C3orf52: variants seen among roughly 807,000 people sequenced by gnomAD.
C3orf52 encodes TPA-induced transmembrane protein.
In C3orf52, 22 loss-of-function variants were observed where a neutral mutation model predicts 24.8. That is an observed-to-expected ratio of 0.89 (90% CI 0.63 to 1.27). C3orf52 has a LOEUF of 1.27. C3orf52 is among the 50% of genes most tolerant of loss of function. The pLI, the probability that C3orf52 is intolerant of heterozygous loss-of-function variation, is 0.00. For synonymous variants in C3orf52, 93 were observed against 100.2 expected (o/e 0.93, Z 0.43); for missense variants, 265 against 260.7 (o/e 1.02, Z -0.11).
chr3:112,087,291 T>C (rs561157209), intron 1 of C3orf52, among the ~76,000 whole-genome samples: 45 of 152,310 alleles, frequency 3.0e-4, no homozygotes, highest in African/African-American at 1.0e-3. Flanking sequence ...TCTCAATCCC[T>C]AAGGAAGTCC....
downstream of C3orf52, chr3:112,130,091 T>C (rs189358287): frequency 4.2e-6 from 1 of 236,826 alleles, no homozygotes; most frequent in Admixed American, 4.9e-5. Context: ...AATAGACACC[T>C]ATAGCTTAAA....
downstream of C3orf52, among the ~76,000 whole-genome samples, chr3:112,132,164 G>T (rs1030169583): frequency 6.6e-6 from 1 of 152,164 alleles, no homozygotes; most frequent in Non-Finnish European, 1.5e-5. Context: ...ACCCAGGGTA[G>T]AGAAGTCTCA....
chr3:112,127,452 G>A (rs1388356433), intron 4 of C3orf52, among the ~76,000 whole-genome samples: 3 of 152,064 alleles, frequency 2.0e-5, no homozygotes, highest in Admixed American at 6.5e-5. Context: ...CTTCGCATAA[G>A]GGAACACTGT....
chr3:112,112,758 A>C, intron 4 of C3orf52: 1 of 613,622 alleles, frequency 1.6e-6, no homozygotes. Context: ...TGGAAGGAGG[A>C]GGTTAGGATC....
chr3:112,104,032 A>G (rs2074002591), intron 3 of C3orf52, among the ~76,000 whole-genome samples: 1 of 152,188 alleles, frequency 6.6e-6, no homozygotes, highest in Admixed American at 6.5e-5. Flanking sequence ...TCCAGGTGAG[A>G]AATGAGGGAG....
In C3orf52 at chr3:112,117,192, C is replaced by CTA; in HGVS notation, c.*546_*547insTA. Reference sequence around the variant, plus strand: ...AATTATTCACTGAAGTCATCCTCCTCCCCCCCACCATTCGATTTGATCTAC... The same window carrying CTA: ...AATTATTCACTGAAGTCATCCTCCTCTACCCCCCACCATTCGATTTGATCTAC... On this transcript the variant is annotated 3_prime_UTR_variant, in exon 6 of 6. Coordinates refer to ENST00000264848, the MANE Select transcript of C3orf52 (RefSeq NM_024616.3). 1 of 548,324 alleles carries CTA rather than the reference C, an allele frequency of 1.8e-6. No individual in the cohort carries two copies. Among genetic ancestry groups the CTA allele is most frequent in the Non-Finnish European group, 3.2e-6 (1 of 310,028 alleles). 34.0% of individuals were successfully genotyped at this position (548,324 alleles called of 1,614,324 possible).
At chr3:112,127,098 C>T in intron 4 of C3orf52, 1 of 1,034,476 alleles carries the variant, frequency 9.7e-7, no homozygotes, top group Admixed American at 2.1e-5. Flanking sequence ...ATGACACAAG[C>T]CTACAAAACT....
At chr3:112,129,236 G>A (rs1041433545), downstream of C3orf52, 9 of 152,212 alleles carry the variant, frequency 5.9e-5, no homozygotes, top group Non-Finnish European at 1.2e-4. Context: ...GAGGAGAAAT[G>A]AATGAGATAA....
intron 4 of C3orf52, chr3:112,123,775 GC>G (rs1559982184): frequency 6.2e-7 from 1 of 1,603,636 alleles, no homozygotes; most frequent in Admixed American, 1.7e-5. Flanking sequence ...ACATTGTCCT[GC>G]TTGTCAAAGA....
chr3:112,111,704 CTG>C (rs1397293618), intron 4 of C3orf52: 12 of 152,358 alleles, frequency 7.9e-5, no homozygotes, highest in African/African-American at 2.6e-4. Flanking sequence ...GGGTGGCTGG[CTG>C]TGTAGGTGTT....
At chr3:112,097,221 A>G (rs747034682) in intron 2 of C3orf52, among the ~76,000 whole-genome samples, 7 of 152,194 alleles carry the variant, frequency 4.6e-5, no homozygotes, top group African/African-American at 7.2e-5. Context: ...CCTTTCTTCA[A>G]TAATTCACCC....
chr3:112,133,979 CT>C (rs1559990566), downstream of C3orf52: 2 of 152,348 alleles, frequency 1.3e-5, no homozygotes, highest in African/African-American at 2.4e-5. Context: ...TCCAGCCCCC[CT>C]ATCCCGTGCC....
intron 4 of C3orf52, chr3:112,123,335 G>A: frequency 2.0e-6 from 3 of 1,501,364 alleles, no homozygotes; most frequent in South Asian, 1.4e-5. Flanking sequence ...TGCTCTGCAG[G>A]GAAAGGGTTG....
chr3:112,109,595 T>C lies in C3orf52; in HGVS notation c.449T>C (p.Val150Ala). ...TCTCTGGGTCGTTATTTTACTTCAG[T>C]TGAAATAGTGGACTTCAGGTAAGAG... ...SPSLGRYFTSVEIVDFSGENA... is the reference protein window; with the variant it reads ...SPSLGRYFTSAEIVDFSGENA... The change falls in exon 4 of 6, where the codon GTT (valine) becomes GCT (alanine). Residue 150 changes from valine to alanine, a missense_variant. Val to Ala is a moderately conservative substitution (Grantham distance 64). Transcript: ENST00000264848. 3 of 1,598,814 alleles carry C rather than the reference T, an allele frequency of 1.9e-6. No individual in the cohort carries two copies. Among genetic ancestry groups the C allele is most frequent in the Non-Finnish European group, 2.6e-6 (3 of 1,166,698 alleles).
intron 3 of C3orf52, among the ~76,000 whole-genome samples, chr3:112,105,570 G>GTGTGTGTGTGTGTGTGTGTT (rs199579112): frequency 1.9e-4 from 25 of 133,950 alleles, no homozygotes; most frequent in African/African-American, 6.5e-4. Flanking sequence ...GTGTGTGTGT[G>GTGTGTGTGTGTGTGTGTGTT]TTTTCCACAC....
At chr3:112,113,179 A>ACGCCTGTAATCC in intron 5 of C3orf52, 34 bp downstream of exon 5, 2 of 1,536,536 alleles carry the variant, frequency 1.3e-6, no homozygotes, top group African/African-American at 1.4e-5. Context: ...CAGAGTTGTG[A>ACGCCTGTAATCC]CAATAAACAG....
chr3:112,105,050 C>T (rs557634730), intron 3 of C3orf52, among the ~76,000 whole-genome samples: 1 of 152,244 alleles, frequency 6.6e-6, no homozygotes, highest in South Asian at 2.1e-4. Flanking sequence ...TTTCATTTTA[C>T]AACCATATAT....
At chr3:112,099,840 A>T (rs2073956363) in intron 2 of C3orf52, among the ~76,000 whole-genome samples, 1 of 152,164 alleles carries the variant, frequency 6.6e-6, no homozygotes, top group Non-Finnish European at 1.5e-5. Flanking sequence ...CAACTTTCCC[A>T]CTTACTACAA....
chr3:112,118,307 A>G (rs1193071781), downstream of C3orf52: 1 of 152,012 alleles, frequency 6.6e-6, no homozygotes, highest in African/African-American at 2.4e-5. Flanking sequence ...CATTTCCCTT[A>G]GGGCAGCTTC....
Sources: gnomAD v4.1 joint callset for allele counts (sites outside exome capture counted in the v4.1 genomes callset) on GRCh38, gnomAD v4.1.1 for gene constraint, MANE v1.5 for transcripts, NCBI Gene and HGNC (gene_info 2026-07-23, HGNC 2026-07-21) for gene names.